LRCH2: variants seen among roughly 807,000 people sequenced by gnomAD.
LRCH2 encodes the protein leucine rich repeats and calponin homology domain containing 2, also known as leucine-rich repeat and calponin homology domain-containing protein 2.
Under a neutral mutation model 68.9 loss-of-function variants are expected in LRCH2, and 38 were observed. The ratio of observed to expected loss-of-function variants is 0.55; its 90% confidence interval spans 0.43 to 0.72. The LOEUF (loss-of-function observed/expected upper bound fraction) is 0.72, where lower values mean the gene tolerates loss of function less well. Ranked by LOEUF, LRCH2 falls within the 30% of genes least tolerant of loss-of-function variation. The probability of loss-of-function intolerance (pLI) is 0.00; values close to 1 mark genes in which losing one functional copy is unlikely to be tolerated. For missense variants in LRCH2, 528 were observed against 572.9 expected (o/e 0.92, Z 0.80); for synonymous variants, 191 against 208.1 (o/e 0.92, Z 0.71).
At chrX:115,125,765 T>C (rs2072194859) in intron 16 of LRCH2, among the ~76,000 whole-genome samples, 1 of 104,194 alleles carries the variant, frequency 9.6e-6, no homozygotes, top group Admixed American at 1.1e-4. Context: ...GACAAATAAG[T>C]AGTAGTCACT....
Position 115,187,337 on chromosome X carries a change from T to A in LRCH2, c.494+889A>T, listed in dbSNP as rs782175971. Among the ~76,000 whole-genome samples the A allele has an allele frequency of 5.4e-5, 6 of 111,922 alleles. No individual in the cohort carries two copies. In the South Asian group the frequency reaches 2.2e-3, roughly 41 times the overall value. On this transcript the variant is annotated intron_variant, in intron 2 of 20. Coordinates refer to ENST00000317135, the MANE Select transcript of LRCH2 (RefSeq NM_020871.4). ...GAGGAGATTATCCCTTCCAACTGAA[T>A]AAAAAAAGAAAAAAATTCTAAAATT...
intron 8 of LRCH2, 45 bp from the exon 9 acceptor site, chrX:115,165,700 G>A: frequency 1.0e-6 from 1 of 965,475 alleles, no homozygotes; most frequent in Non-Finnish European, 1.4e-6. Flanking sequence ...ATAGTAAACT[G>A]TATGCTTGAC....
At chrX:115,118,142 T>A (rs1329641353) in intron 20 of LRCH2, among the ~76,000 whole-genome samples, 2 of 109,563 alleles carry the variant, frequency 1.8e-5, no homozygotes, top group Non-Finnish European at 1.9e-5. Context: ...AGCTCAGGAG[T>A]TCCAGTCCAG....
chrX:115,180,997 C>G (rs782765855), intron 3 of LRCH2, among the ~76,000 whole-genome samples: 2 of 111,213 alleles, frequency 1.8e-5, no homozygotes, highest in South Asian at 7.6e-4. Context: ...TGGCTATGCT[C>G]GCAATAGTGG....
intron 11 of LRCH2, among the ~76,000 whole-genome samples, chrX:115,163,448 A>T (rs1487476312): frequency 9.0e-6 from 1 of 111,248 alleles, no homozygotes; most frequent in East Asian, 2.8e-4. Context: ...CGTCCTAAGT[A>T]TTTCCTATTG....
At chrX:115,128,564 T>C (rs2072218115) in intron 15 of LRCH2, among the ~76,000 whole-genome samples, 1 of 112,507 alleles carries the variant, frequency 8.9e-6, no homozygotes, top group East Asian at 2.8e-4. Flanking sequence ...ATTTTTAGAC[T>C]GTGGTTGACC....
chrX:115,188,139 C>T (rs901272489), intron 2 of LRCH2, 87 bp downstream of exon 2: 3 of 651,182 alleles, frequency 4.6e-6, no homozygotes, highest in African/African-American at 2.3e-5. Context: ...TTAAGCTACA[C>T]AGCCAAATCA....
rs2072749108 is a variant in LRCH2 at position 115,188,285 on chromosome X, G to A, written c.435C>T (p.Cys145=). ...TAATGGCTTCAGGAATGGTTTTGAT[G>A]CAATTATGATATAAATTTAATGTTT... ...PLETLNLYHN[C]IKTIPEAIKN... The change falls in exon 2 of 21, where the codon TGC becomes TGT. Residue 145 remains cysteine (C), a synonymous_variant. Transcript: ENST00000317135. The A allele has an allele frequency of 8.4e-7, 1 of 1,185,144 alleles. No individual in the cohort carries two copies. The highest frequency in any genetic ancestry group is 1.1e-6 in the Non-Finnish European group (1 of 879,733).
At chrX:115,217,075 C>CA (rs1556571797) in intron 1 of LRCH2, among the ~76,000 whole-genome samples, 1 of 111,413 alleles carries the variant, frequency 9.0e-6, no homozygotes, top group Non-Finnish European at 1.9e-5. Context: ...CCCTGAGACT[C>CA]AGAAATGTAG....
intron 14 of LRCH2, among the ~76,000 whole-genome samples, chrX:115,148,178 G>C (rs1388907242): frequency 8.9e-6 from 1 of 112,406 alleles, no homozygotes; most frequent in Non-Finnish European, 1.9e-5. Context: ...CATAGGCTTT[G>C]GGTTCAAATC....
At chrX:115,193,152 CAAAAATGATT>C (rs1462160518) in intron 1 of LRCH2, among the ~76,000 whole-genome samples, 1 of 110,459 alleles carries the variant, frequency 9.1e-6, no homozygotes, top group Non-Finnish European at 1.9e-5. Context: ...ACAACAACAA[CAAAAATGATT>C]TAGATCAAAT....
chrX:115,189,431 G>A (rs782735126), intron 1 of LRCH2: 12 of 1,159,372 alleles, frequency 1.0e-5, no homozygotes, highest in African/African-American at 7.2e-5. Context: ...CCCACCATTC[G>A]GCAGGGAGAC....
chrX:115,196,960 T>C (rs1413599197), intron 1 of LRCH2, among the ~76,000 whole-genome samples: 1 of 110,708 alleles, frequency 9.0e-6, no homozygotes, highest in African/African-American at 3.3e-5. Context: ...AACCTGATGA[T>C]GGGCCCATCA....
At chrX:115,151,192 A>G (rs2147373475) in intron 12 of LRCH2, among the ~76,000 whole-genome samples, 1 of 111,940 alleles carries the variant, frequency 8.9e-6, no homozygotes, top group Admixed American at 9.5e-5. Flanking sequence ...GAAAAGTTAT[A>G]TAATAAAGAG....
intron 1 of LRCH2, among the ~76,000 whole-genome samples, chrX:115,197,458 A>G (rs2072895895): frequency 8.9e-6 from 1 of 111,832 alleles, no homozygotes; most frequent in African/African-American, 3.3e-5. Flanking sequence ...AAATATCTTT[A>G]AAAGATAAAA....
chrX:115,150,088 C>T lies in LRCH2; in HGVS notation c.1530-18G>A, dbSNP rs782165756. 9.3e-7 allele frequency: 1 copy of T among 1,072,622 alleles called. No individual in the cohort carries two copies. Among genetic ancestry groups the T allele is most frequent in the Non-Finnish European group, 1.2e-6 (1 of 802,326 alleles). 88.4% of individuals were successfully genotyped at this position (1,072,622 alleles called of 1,213,427 possible). A position where few individuals can be genotyped will look rare whatever the true frequency, so the allele number is the denominator to read the frequency against. Reference sequence around the variant, plus strand: ...CTGAGACACTAAAAAATTGAAGATGCCTTAATACGTTAAAATATTTAGAAT... The same window carrying T: ...CTGAGACACTAAAAAATTGAAGATGTCTTAATACGTTAAAATATTTAGAAT... On this transcript the variant is annotated intron_variant, in intron 12 of 20. Transcript: ENST00000317135.
chrX:115,180,513 A>T (rs2072683793), intron 3 of LRCH2, among the ~76,000 whole-genome samples: 1 of 111,345 alleles, frequency 9.0e-6, no homozygotes, highest in African/African-American at 3.3e-5. Context: ...TCTTTCTTAT[A>T]ATAACATCAA....
chrX:115,144,563 A>AT (rs1228376551), intron 14 of LRCH2, among the ~76,000 whole-genome samples: 4 of 76,376 alleles, frequency 5.2e-5, no homozygotes, highest in African/African-American at 4.5e-4. Context: ...CCTAGACTCC[A>AT]CCAAAAAAAA....
chrX:115,122,197 T>C (rs2072149599), intron 20 of LRCH2, among the ~76,000 whole-genome samples: 1 of 103,223 alleles, frequency 9.7e-6, no homozygotes, highest in African/African-American at 3.6e-5. Context: ...GTCCAAATGT[T>C]CTCTAGCAAA....
Sources: gnomAD v4.1 joint callset for allele counts (sites outside exome capture counted in the v4.1 genomes callset) on GRCh38, gnomAD v4.1.1 for gene constraint, MANE v1.5 for transcripts, NCBI Gene and HGNC (gene_info 2026-07-23, HGNC 2026-07-21) for gene names.